Variants in CRYBG3 observed in about 807,000 individuals in gnomAD.
CRYBG3 encodes the protein crystallin beta-gamma domain containing 3, also known as very large A-kinase anchor protein.
A neutral mutation model predicts 244.2 loss-of-function variants in CRYBG3; 127 were observed. The observed-to-expected ratio is 0.52, with a 90% CI of 0.45 to 0.60. The LOEUF (loss-of-function observed/expected upper bound fraction) is 0.60, where lower values mean the gene tolerates loss of function less well. Among genes scored for constraint, CRYBG3 ranks in the 20% least tolerant of loss-of-function variants. The probability of loss-of-function intolerance (pLI) is 0.00; values close to 1 mark genes in which losing one functional copy is unlikely to be tolerated. For synonymous variants in CRYBG3, 1,132 were observed against 1,195.8 expected, an observed-to-expected ratio of 0.95 and a Z score of 1.10; for missense variants, 3,325 against 3,442.5, an observed-to-expected ratio of 0.97 and a Z score of 0.85.
At chr3:97,934,135 T>A (rs1379524904) in intron 18 of CRYBG3, among the ~76,000 whole-genome samples, 1 of 152,094 alleles carries the variant, frequency 6.6e-6, no homozygotes, top group African/African-American at 2.4e-5. Flanking sequence ...TGTTTTTTGA[T>A]TTAATAGCCA....
rs1160049560 is a variant in CRYBG3 at position 97,843,232 on chromosome 3, G to C, written c.187G>C (p.Glu63Gln). Residue 63 changes from glutamate (E) to glutamine (Q), a missense_variant, in exon 2 of 22, where the codon GAA (glutamate) becomes CAA (glutamine). Physicochemically the swap from Glu to Gln is conservative, Grantham distance 29 (BLOSUM62 2). This residue lies in a region of CRYBG3 where 1,526 missense variants were observed against 1,443.2 expected (regional missense o/e 1.06). Transcript: ENST00000389622. ...GCCCATGAGCACAAGTCAGAAAAAGGAAAATGTACTTTCATCAGAAGCAGT... is the reference window on the plus strand; with the variant it reads ...GCCCATGAGCACAAGTCAGAAAAAGCAAAATGTACTTTCATCAGAAGCAGT... ...NEPMSTSQKK[E>Q]NVLSSEAVKI... The C allele has an allele frequency of 6.6e-7, 1 of 1,516,984 alleles. No homozygotes were observed. Among genetic ancestry groups the C allele is most frequent in the Admixed American group, 2.0e-5 (1 of 50,482 alleles). 94.0% of individuals were successfully genotyped at this position (1,516,984 alleles called of 1,614,324 possible). A position where few individuals can be genotyped will look rare whatever the true frequency, so the allele number is the denominator to read the frequency against.
At chr3:97,861,179 A>G (rs1003749243) in intron 2 of CRYBG3, among the ~76,000 whole-genome samples, 4 of 152,102 alleles carry the variant, frequency 2.6e-5, no homozygotes, top group Non-Finnish European at 5.9e-5. Context: ...CATCAGCCAT[A>G]TCCCTGCCAT....
At chr3:97,910,006 C>T (rs367570160) in intron 15 of CRYBG3, among the ~76,000 whole-genome samples, 1 of 151,484 alleles carries the variant, frequency 6.6e-6, no homozygotes, top group Non-Finnish European at 1.5e-5. Flanking sequence ...AATACCCTGC[C>T]GTGTGAGGTG....
In CRYBG3 at chr3:97,874,492, A is replaced by T. The variant is rs73851082; in HGVS notation, c.3298A>T (p.Thr1100Ser). Residue 1100 changes from threonine (T) to serine (S), a missense_variant, in exon 4 of 22, where the codon ACT (threonine) becomes TCT (serine). Thr to Ser is a moderately conservative substitution (Grantham distance 58, BLOSUM62 1). Coordinates refer to ENST00000389622, the MANE Select transcript of CRYBG3 (RefSeq NM_153605.4). The part of the protein sequence containing the change: ...KDLTHEGTSV[T>S]NLLYPTTSYL... ...TCTCACACATGAAGGTACCTCTGTA[A>T]CTAACCTGTTGTACCCTACTACCTC... 1,924 of 1,534,480 alleles carry T rather than the reference A, an allele frequency of 1.3e-3. 22 individuals carry two copies. In the African/African-American group the frequency reaches 0.022, roughly 18 times the overall value.
chr3:97,920,476 T>C (rs565283189), intron 17 of CRYBG3, among the ~76,000 whole-genome samples: 18 of 152,248 alleles, frequency 1.2e-4, no homozygotes, highest in African/African-American at 4.1e-4. Context: ...TTTTCCTTCA[T>C]AGACTTGTTC....
intron 17 of CRYBG3, 61 bp from the exon 18 acceptor site, chr3:97,933,633 G>T: frequency 6.4e-7 from 1 of 1,555,758 alleles, no homozygotes; most frequent in Non-Finnish European, 8.8e-7. Flanking sequence ...CCTGTGTTCA[G>T]ACTGGGATGT....
rs1374310194 is a variant in CRYBG3, at chr3:97,864,648, G to A, written c.647+1G>A. The A allele has an allele frequency of 6.7e-7, 1 of 1,502,150 alleles. No individual in the cohort carries two copies. The highest frequency in any genetic ancestry group is 8.8e-7 in the Non-Finnish European group (1 of 1,132,428). 93.1% of individuals were successfully genotyped at this position (1,502,150 alleles called of 1,614,324 possible). On this transcript the variant is annotated splice_donor_variant, in intron 3 of 21. Coordinates refer to ENST00000389622, the MANE Select transcript of CRYBG3 (RefSeq NM_153605.4). LOFTEE classifies it high-confidence loss of function. ...ACCAAGAAACCACTAATTTGCTAAA[G>A]TAAGTTTAAAATTTCATTGAACCAA...
chr3:97,859,602 TG>T (rs1195132406), intron 2 of CRYBG3, among the ~76,000 whole-genome samples: 1 of 152,230 alleles, frequency 6.6e-6, no homozygotes, highest in East Asian at 1.9e-4. Flanking sequence ...ACTGCTTTTT[TG>T]TTTACCTAGT....
chr3:97,928,569 G>GA (rs1285058968), intron 17 of CRYBG3, among the ~76,000 whole-genome samples: 2 of 151,198 alleles, frequency 1.3e-5, no homozygotes, highest in Non-Finnish European at 3.0e-5. Context: ...AAGTTGATAG[G>GA]AAAAAAAATG....
intron 1 of CRYBG3, among the ~76,000 whole-genome samples, chr3:97,829,289 G>A (rs1352483129): frequency 6.6e-6 from 1 of 152,192 alleles, no homozygotes; most frequent in Non-Finnish European, 1.5e-5. Context: ...TTGACACTTT[G>A]TACAAGTAGG....
At chr3:97,915,537 C>G in intron 16 of CRYBG3, 73 bp from the exon 17 acceptor site, 1 of 1,494,000 alleles carries the variant, frequency 6.7e-7, no homozygotes, top group Non-Finnish European at 9.1e-7. Flanking sequence ...ACCCCAATTC[C>G]CACAGCATGA....
chr3:97,845,991 C>T (rs2038895501), intron 2 of CRYBG3, among the ~76,000 whole-genome samples: 1 of 152,092 alleles, frequency 6.6e-6, no homozygotes, highest in Admixed American at 6.6e-5. Context: ...TTTTAGTTCC[C>T]TCTGACATGG....
intron 7 of CRYBG3, among the ~76,000 whole-genome samples, chr3:97,883,302 A>C (rs916317654): frequency 1.6e-4 from 24 of 152,198 alleles, no homozygotes; most frequent in African/African-American, 5.3e-4. Context: ...TAACCATTTG[A>C]GTGCTCACTC....
At chr3:97,900,092 C>G (rs1485340864) in intron 14 of CRYBG3, among the ~76,000 whole-genome samples, 1 of 152,182 alleles carries the variant, frequency 6.6e-6, no homozygotes, top group East Asian at 1.9e-4. Flanking sequence ...CACAGGGGTG[C>G]AATCCTAGCA....
rs761266308 is a variant in CRYBG3, at chr3:97,943,336, G to A, written c.*22G>A. The stretch of plus-strand genomic sequence containing the variant: ...GTGAGAGAATCAACATCCCTAGAAA[G>A]ATCCCTAGAAAGAGCAAAGAAGGAA... On this transcript the variant is annotated 3_prime_UTR_variant, in exon 22 of 22. Coordinates refer to ENST00000389622, the MANE Select transcript of CRYBG3 (RefSeq NM_153605.4). 2.2e-6 allele frequency: 3 copies of A among 1,371,362 alleles called. No individual in the cohort carries two copies. The highest frequency in any genetic ancestry group is 3.1e-6 in the Non-Finnish European group (3 of 963,996). 84.9% of individuals were successfully genotyped at this position (1,371,362 alleles called of 1,614,324 possible).
At chr3:97,879,849 G>C (rs906792482) in intron 5 of CRYBG3, 101 bp downstream of exon 5, 1 of 936,520 alleles carries the variant, frequency 1.1e-6, no homozygotes, top group African/African-American at 1.7e-5. Flanking sequence ...TTTTATTCAA[G>C]GATTTAACAT....
At position 97,822,037 on chromosome 3, in the gene CRYBG3, C is replaced by T. The variant is rs371292982; in HGVS notation, c.-170C>T. ...GCGTGAGGAGCTGCCGCGCGAGGAG[C>T]GCGTCGCGTCCGCACTTCTCCTGCC... On this transcript the variant is annotated 5_prime_UTR_variant, in exon 1 of 22. Transcript: ENST00000389622. The T allele has an allele frequency of 4.4e-6, 2 of 456,582 alleles. No individual in the cohort carries two copies. Among genetic ancestry groups the T allele is most frequent in the Non-Finnish European group, 7.2e-6 (2 of 277,628 alleles). 28.3% of individuals were successfully genotyped at this position (456,582 alleles called of 1,614,324 possible). A position where few individuals can be genotyped will look rare whatever the true frequency, so the allele number is the denominator to read the frequency against.
chr3:97,897,613 A>G (rs2039654346), intron 12 of CRYBG3, among the ~76,000 whole-genome samples: 1 of 152,094 alleles, frequency 6.6e-6, no homozygotes, highest in African/African-American at 2.4e-5. Context: ...AGTTTGTTAA[A>G]AACTCTTAAT....
intron 2 of CRYBG3, among the ~76,000 whole-genome samples, chr3:97,857,477 CCAGCTATTATTATATT>C (rs2039083424): frequency 1.3e-5 from 2 of 150,638 alleles, no homozygotes; most frequent in Admixed American, 1.3e-4. Context: ...TTTGAAGTTC[CCAGCTATTATTATATT>C]GGGATCTAAT....
Sources: allele counts gnomAD v4.1 joint callset (sites outside exome capture counted in the v4.1 genomes callset), GRCh38; gene constraint gnomAD v4.1.1; regional missense constraint gnomAD v4.1.1; transcripts MANE v1.5; gene names NCBI Gene and HGNC (gene_info 2026-07-23, HGNC 2026-07-21).